KCNIP4: variants seen among roughly 807,000 people sequenced by gnomAD.
KCNIP4 encodes potassium voltage-gated channel interacting protein 4, also known as Kv channel-interacting protein 4.
KCNIP4 carries 12 observed loss-of-function variants against 34.0 expected under a neutral mutation model. The observed-to-expected ratio is 0.35, with a 90% CI of 0.23 to 0.57. The LOEUF (loss-of-function observed/expected upper bound fraction) is 0.57, where lower values mean the gene tolerates loss of function less well. KCNIP4 is among the 20% of genes least tolerant of loss of function. KCNIP4 has a pLI of 0.83. For synonymous variants in KCNIP4, 124 were observed against 102.2 expected, an observed-to-expected ratio of 1.21 and a Z score of -1.29; for missense variants, 238 against 311.7, an observed-to-expected ratio of 0.76 and a Z score of 1.78.
At chr4:21,589,174 A>G (rs1420643427) in intron 1 of KCNIP4, among the ~76,000 whole-genome samples, 2 of 57,988 alleles carry the variant, frequency 3.4e-5, no homozygotes, top group East Asian at 7.3e-4. Context: ...ATATATATAT[A>G]TATATATATA....
chr4:21,105,008 T>C (rs1438013850), intron 1 of KCNIP4, among the ~76,000 whole-genome samples: 1 of 151,758 alleles, frequency 6.6e-6, no homozygotes, highest in African/African-American at 2.4e-5. Context: ...CCTTGTAGTA[T>C]AGTCTGAAGT....
chr4:21,551,566 A>C (rs1365534605), intron 1 of KCNIP4, among the ~76,000 whole-genome samples: 1 of 152,144 alleles, frequency 6.6e-6, no homozygotes, highest in Non-Finnish European at 1.5e-5. Flanking sequence ...CTGATAAAAA[A>C]TTAATTATTC....
rs1270733856 is a variant in KCNIP4 at position 20,999,102 on chromosome 4, C to T, written c.62-116393G>A. Among the ~76,000 whole-genome samples, 4 of 152,284 alleles carry T rather than the reference C, an allele frequency of 2.6e-5. No individual in the cohort carries two copies. The East Asian group carries it at 7.7e-4, about 29-fold the overall frequency. On this transcript the variant is annotated intron_variant, in intron 1 of 8. Transcript: ENST00000382152. ...TCACTCTTCATTCTAGACAGGTTTT[C>T]TGACAAAAAGACATCATCTGAACAG...
rs187196774 is a variant in KCNIP4 at position 21,291,577 on chromosome 4, C to T, written c.62-408868G>A. On this transcript the variant is annotated intron_variant, in intron 1 of 8. Coordinates refer to ENST00000382152, the MANE Select transcript of KCNIP4 (RefSeq NM_025221.6). ...AAAAATATCTGATGATGGCCAGGTGCGGTGGCTCACGCCTGTAATCCCAGC... is the reference window on the plus strand; with the variant it reads ...AAAAATATCTGATGATGGCCAGGTGTGGTGGCTCACGCCTGTAATCCCAGC... Among the ~76,000 whole-genome samples, 104 of 151,910 alleles carry T rather than the reference C, an allele frequency of 6.8e-4. No homozygotes were observed. In the East Asian group the frequency reaches 0.017, roughly 25 times the overall value.
intron 1 of KCNIP4, among the ~76,000 whole-genome samples, chr4:21,277,176 T>C (rs757270185): frequency 5.3e-5 from 8 of 152,178 alleles, no homozygotes; most frequent in Non-Finnish European, 1.0e-4. Flanking sequence ...GATCCACAGA[T>C]AGGAACTTTT....
At chr4:21,316,878 C>T (rs1013667873) in intron 1 of KCNIP4, among the ~76,000 whole-genome samples, 2 of 152,282 alleles carry the variant, frequency 1.3e-5, no homozygotes, top group East Asian at 1.9e-4. Context: ...TGCTACCACC[C>T]TACTGATTGA....
chr4:20,945,475 T>C (rs1215753075), intron 1 of KCNIP4, among the ~76,000 whole-genome samples: 1 of 152,216 alleles, frequency 6.6e-6, no homozygotes, highest in Admixed American at 6.5e-5. Flanking sequence ...TCCTTGTTGG[T>C]ATACAATGTC....
chr4:20,792,336 G>T (rs1180723434), intron 3 of KCNIP4, among the ~76,000 whole-genome samples: 2 of 152,082 alleles, frequency 1.3e-5, no homozygotes. Context: ...TTGCACTCCA[G>T]CCTGGGCAAC....
At chr4:20,798,183 C>T (rs1713726019) in intron 3 of KCNIP4, among the ~76,000 whole-genome samples, 1 of 152,210 alleles carries the variant, frequency 6.6e-6, no homozygotes, top group Admixed American at 6.5e-5. Flanking sequence ...ATGACCCTCA[C>T]CTTAAAGACT....
chr4:21,039,012 A>T (rs1172911190), intron 1 of KCNIP4, among the ~76,000 whole-genome samples: 1 of 152,178 alleles, frequency 6.6e-6, no homozygotes, highest in Admixed American at 6.5e-5. Context: ...CAACGGCACC[A>T]GATTGAGAGT....
intron 1 of KCNIP4, among the ~76,000 whole-genome samples, chr4:20,968,626 A>G (rs964769087): frequency 6.6e-6 from 1 of 152,146 alleles, no homozygotes; most frequent in African/African-American, 2.4e-5. Flanking sequence ...TGTCCTTTGC[A>G]GGGACATGGA....
chr4:21,402,694 A>C (rs977631010), intron 1 of KCNIP4, among the ~76,000 whole-genome samples: 1 of 152,078 alleles, frequency 6.6e-6, no homozygotes, highest in Non-Finnish European at 1.5e-5. Context: ...ACCTGCTTAC[A>C]CAGCTTGCTC....
At chr4:21,913,051 C>T (rs1459388648) in intron 1 of KCNIP4, among the ~76,000 whole-genome samples, 1 of 151,952 alleles carries the variant, frequency 6.6e-6, no homozygotes, top group Non-Finnish European at 1.5e-5. Flanking sequence ...AATCACTAAC[C>T]TATGGTGCCT....
intron 1 of KCNIP4, among the ~76,000 whole-genome samples, chr4:21,884,230 G>C (rs1301007869): frequency 2.0e-5 from 3 of 152,050 alleles, no homozygotes; most frequent in Non-Finnish European, 4.4e-5. Context: ...GCCAGTTCTT[G>C]GTGACAGGCT....
chr4:21,308,345 G>C (rs1236496492), intron 1 of KCNIP4, among the ~76,000 whole-genome samples: 1 of 152,166 alleles, frequency 6.6e-6, no homozygotes, highest in African/African-American at 2.4e-5. Flanking sequence ...AATCTCCGTG[G>C]AGCACATACG....
At chr4:21,719,952 A>T (rs921737070) in intron 1 of KCNIP4, among the ~76,000 whole-genome samples, 2 of 130,152 alleles carry the variant, frequency 1.5e-5, no homozygotes, top group African/African-American at 6.5e-5. Context: ...AACAAGAGTG[A>T]AGCTCCATCT....
At chr4:20,837,697 C>CTTTTTTTTTT (rs1719229215) in intron 3 of KCNIP4, among the ~76,000 whole-genome samples, 1 of 90,522 alleles carries the variant, frequency 1.1e-5, no homozygotes, top group African/African-American at 5.1e-5. Context: ...TTTTTTTTTC[C>CTTTTTTTTTT]TTGGAGATGG....
At chr4:21,941,533 T>C (rs997932407) in intron 1 of KCNIP4, among the ~76,000 whole-genome samples, 1 of 152,032 alleles carries the variant, frequency 6.6e-6, no homozygotes, top group Non-Finnish European at 1.5e-5. Context: ...CTAAAGACTT[T>C]TCATGAGCAG....
chr4:21,588,438 T>A (rs963703736), intron 1 of KCNIP4, among the ~76,000 whole-genome samples: 11 of 152,034 alleles, frequency 7.2e-5, no homozygotes, highest in Admixed American at 6.6e-4. Flanking sequence ...AAGATTTTGA[T>A]GCTAATTAGG....
Sources: gnomAD v4.1 joint callset for allele counts (sites outside exome capture counted in the v4.1 genomes callset) on GRCh38, gnomAD v4.1.1 for gene constraint, MANE v1.5 for transcripts, NCBI Gene and HGNC (gene_info 2026-07-23, HGNC 2026-07-21) for gene names.